The following LARGE1 variants were observed in gnomAD, a reference collection of about 807,000 sequenced individuals.
LARGE1 encodes LARGE xylosyl- and glucuronyltransferase 1, also known as xylosyl- and glucuronyltransferase LARGE1.
A neutral mutation model predicts 87.6 loss-of-function variants in LARGE1; 43 were observed. The observed-to-expected ratio is 0.49, with a 90% CI of 0.38 to 0.63. LARGE1 has a LOEUF of 0.63. Ranked by LOEUF, LARGE1 falls within the 30% of genes least tolerant of loss-of-function variation. The probability of loss-of-function intolerance (pLI) is 0.00; values close to 1 mark genes in which losing one functional copy is unlikely to be tolerated. For synonymous variants in LARGE1, 434 were observed against 394.6 expected, an observed-to-expected ratio of 1.10 and a Z score of -1.18; for missense variants, 802 against 1,000.2, an observed-to-expected ratio of 0.80 and a Z score of 2.67.
chr22:33,283,815 A>G (rs959314320), intron 12 of LARGE1, among the ~76,000 whole-genome samples: 2 of 151,244 alleles, frequency 1.3e-5, no homozygotes, highest in Non-Finnish European at 2.9e-5. Context: ...AAAGAAAGAA[A>G]GGAAGAGAAA....
At chr22:33,244,955 ATAAAAT>A (rs1926689320) in intron 11 of LARGE1, among the ~76,000 whole-genome samples, 3 of 152,322 alleles carry the variant, frequency 2.0e-5, no homozygotes, top group Admixed American at 6.5e-5. Flanking sequence ...TTGTGGAAAA[ATAAAAT>A]TAAAAGATAA....
chr22:33,142,811 A>G, the LARGE1 span, among the ~76,000 whole-genome samples: 3 of 152,178 alleles, frequency 2.0e-5, no homozygotes, highest in Non-Finnish European at 2.9e-5. Context: ...TTCAATTTTG[A>G]TTAACTTGGG....
intron 2 of LARGE1, among the ~76,000 whole-genome samples, chr22:33,730,933 G>C (rs1055651480): frequency 6.6e-6 from 1 of 151,308 alleles, no homozygotes; most frequent in African/African-American, 2.4e-5. Context: ...GACCTCAGGT[G>C]ATCCACCCAC....
intron 1 of LARGE1, among the ~76,000 whole-genome samples, chr22:33,853,570 G>C (rs2063671531): frequency 6.6e-6 from 1 of 152,180 alleles, no homozygotes; most frequent in South Asian, 2.1e-4. Context: ...CCACACACCA[G>C]TATGATGTTC....
chr22:33,677,275 G>A (rs796264323), intron 2 of LARGE1, among the ~76,000 whole-genome samples: 6 of 138,796 alleles, frequency 4.3e-5, no homozygotes, highest in African/African-American at 1.7e-4. Flanking sequence ...TCAGTCCACA[G>A]TCTTTCAGGA....
chr22:33,116,639 A>T, the LARGE1 span, among the ~76,000 whole-genome samples: 1 of 152,036 alleles, frequency 6.6e-6, no homozygotes, highest in Non-Finnish European at 1.5e-5. Flanking sequence ...CTGGGATTAC[A>T]GGCGTGAGCC....
chr22:33,841,455 C>T (rs2063279444), intron 1 of LARGE1, among the ~76,000 whole-genome samples: 2 of 152,206 alleles, frequency 1.3e-5, no homozygotes, highest in Admixed American at 1.3e-4. Context: ...CTCATCCACA[C>T]GGACTTCATA....
chr22:33,464,324 T>A (rs1484499549), intron 6 of LARGE1, among the ~76,000 whole-genome samples: 2 of 152,160 alleles, frequency 1.3e-5, no homozygotes, highest in East Asian at 3.8e-4. Context: ...CAGGTTTTGG[T>A]TTATTTTCAT....
intron 1 of LARGE1, among the ~76,000 whole-genome samples, chr22:33,765,861 T>TC (rs1433895622): frequency 6.6e-6 from 1 of 152,136 alleles, no homozygotes; most frequent in African/African-American, 2.4e-5. Flanking sequence ...TTTTCCTCTC[T>TC]CCATCTGCAG....
chr22:33,311,535 A>C (rs985059906), intron 11 of LARGE1, among the ~76,000 whole-genome samples: 2 of 152,184 alleles, frequency 1.3e-5, no homozygotes, highest in Admixed American at 6.5e-5. Flanking sequence ...GGCACTTTAC[A>C]CCTTATTTTG....
the LARGE1 span, chr22:33,137,307 C>T: frequency 2.0e-5 from 3 of 152,322 alleles, no homozygotes; most frequent in Admixed American, 6.5e-5. Flanking sequence ...TGATGTTGAG[C>T]TGCATCATTG....
chr22:33,182,101 C>T (rs950637438), intron 11 of LARGE1, among the ~76,000 whole-genome samples: 9 of 152,070 alleles, frequency 5.9e-5, no homozygotes, highest in Admixed American at 4.6e-4. Flanking sequence ...GGATTATAGG[C>T]GTGAGCCACC....
intron 2 of LARGE1, among the ~76,000 whole-genome samples, chr22:33,675,836 G>C (rs763893863): frequency 6.7e-6 from 1 of 149,780 alleles, no homozygotes; most frequent in Non-Finnish European, 1.5e-5. Flanking sequence ...CTCCAATTTA[G>C]AGGACAGCAT....
At chr22:33,195,756 C>CT (rs71187249) in intron 11 of LARGE1, among the ~76,000 whole-genome samples, 42,951 of 130,426 alleles carry the variant, frequency 0.33, 7,483 homozygotes, top group Non-Finnish European at 0.39. Context: ...TTTCTTTTTT[C>CT]TTTTTTTTTT....
Position 33,495,376 on chromosome 22 carries a change from A to G in LARGE1, c.788-63111T>C, listed in dbSNP as rs540762323. Among the ~76,000 whole-genome samples, 9 of 152,312 alleles carry G rather than the reference A, an allele frequency of 5.9e-5. 1 individual carries two copies. In the South Asian group the frequency reaches 1.9e-3, roughly 32 times the overall value. On this transcript the variant is annotated intron_variant, in intron 6 of 14. Coordinates refer to ENST00000397394, the MANE Select transcript of LARGE1 (RefSeq NM_133642.5). Reference sequence around the variant, plus strand: ...TCGCCTTATGCAGTGCATGCTATATAGTGTAAAAACAAGTTTTCCATCCCC... The same window carrying G: ...TCGCCTTATGCAGTGCATGCTATATGGTGTAAAAACAAGTTTTCCATCCCC...
chr22:33,476,982 C>A (rs1273813446), intron 6 of LARGE1, among the ~76,000 whole-genome samples: 1 of 152,142 alleles, frequency 6.6e-6, no homozygotes. Context: ...CAGTGGGGAG[C>A]CTTCTGAGCC....
chr22:33,808,176 T>C (rs971093158), intron 1 of LARGE1, among the ~76,000 whole-genome samples: 7 of 152,266 alleles, frequency 4.6e-5, no homozygotes, highest in African/African-American at 9.6e-5. Flanking sequence ...GTGGTGCCAG[T>C]GTTCCAGGTT....
chr22:33,350,599 C>G (rs1307905326), intron 9 of LARGE1, among the ~76,000 whole-genome samples: 1 of 152,160 alleles, frequency 6.6e-6, no homozygotes, highest in Non-Finnish European at 1.5e-5. Context: ...ATGTTGCTAA[C>G]TTGGCCGAAT....
chr22:33,592,162 AT>A (rs2078860319), intron 5 of LARGE1, among the ~76,000 whole-genome samples: 1 of 151,470 alleles, frequency 6.6e-6, no homozygotes, highest in Non-Finnish European at 1.5e-5. Flanking sequence ...AGTCCCTATA[AT>A]TTTCTTTGTT....
Sources: allele counts gnomAD v4.1 joint callset (sites outside exome capture counted in the v4.1 genomes callset), GRCh38; gene constraint gnomAD v4.1.1; transcripts MANE v1.5; gene names NCBI Gene and HGNC (gene_info 2026-07-23, HGNC 2026-07-21).